Variants in PRRC2A observed in about 807,000 individuals in gnomAD.
The protein encoded by PRRC2A is proline rich coiled-coil 2A.
Under a neutral mutation model 224.6 loss-of-function variants are expected in PRRC2A, and 59 were observed. The ratio of observed to expected loss-of-function variants is 0.26; its 90% CI spans 0.21 to 0.33. PRRC2A has a LOEUF of 0.33. Ranked by LOEUF, PRRC2A falls within the 10% of genes least tolerant of loss-of-function variation. The pLI, the probability that PRRC2A is intolerant of heterozygous loss-of-function variation, is 1.00. For synonymous variants in PRRC2A, 1,194 were observed against 1,109.5 expected, an observed-to-expected ratio of 1.08 and a Z score of -1.51; for missense variants, 3,095 against 2,880.7, an observed-to-expected ratio of 1.07 and a Z score of -1.70.
chr6:31,624,114 A>G, intron 3 of PRRC2A, 147 bp from the exon 4 acceptor site: 1 of 1,065,836 alleles, frequency 9.4e-7, no homozygotes. Context: ...AAAAATAGAC[A>G]ACAGCCTACA....
Position 31,627,966 on chromosome 6 carries a change from G to A in PRRC2A, c.1492G>A (p.Gly498Arg), listed in dbSNP as rs539163086. 3 of 1,612,966 alleles carry A rather than the reference G, an allele frequency of 1.9e-6. No homozygotes were observed. The highest frequency in any genetic ancestry group is 1.3e-5 in the African/African-American group (1 of 75,050). Residue 498 changes from glycine (G) to arginine (R), a missense_variant, in exon 12 of 31, where the codon GGG becomes AGG. Transcript: ENST00000376033. The surrounding 1 kb of genome is among the most constrained non-coding windows in gnomAD (Gnocchi z 5.6). ...EKLKRLDEKFGAPDKRLKAEP... is the reference protein window; with the variant it reads ...EKLKRLDEKFRAPDKRLKAEP... ...GCTCAAGCGACTCGATGAAAAGTTTGGGGCACCTGACAAGCGGCTCAAAGC... is the reference window on the plus strand; with the variant it reads ...GCTCAAGCGACTCGATGAAAAGTTTAGGGCACCTGACAAGCGGCTCAAAGC...
rs528194043 is a variant in PRRC2A, at chr6:31,637,492, G to C, written c.6380G>C (p.Arg2127Pro). 3.2e-6 allele frequency: 5 copies of C among 1,573,614 alleles called. No homozygotes were observed. The Admixed American group carries it at 7.4e-5, about 23-fold the overall frequency. ...CGCTGGATACCTAAGCCTTGGGAGCGGACAGGGCCGCCACCTCGAGAAGGG... is the reference window on the plus strand; with the variant it reads ...CGCTGGATACCTAAGCCTTGGGAGCCGACAGGGCCGCCACCTCGAGAAGGG... ...ALRWIPKPWERTGPPPREGPS... is the reference protein window; with the variant it reads ...ALRWIPKPWEPTGPPPREGPS... Residue 2127 changes from arginine to proline, a missense_variant, in exon 31 of 31, where the codon CGG (arginine) becomes CCG (proline). By Grantham distance (103) the Arg-to-Pro change is moderately radical. Coordinates refer to ENST00000376033, the MANE Select transcript of PRRC2A (RefSeq NM_004638.4).
chr6:31,627,010 G>C lies in PRRC2A; in HGVS notation c.1102G>C (p.Glu368Gln). ...HRDSQSASGE[E>Q]RPPEADGKKG... The stretch of plus-strand genomic sequence containing the variant: ...GGATTCCCAATCAGCTTCTGGTGAG[G>C]AACGGCCCCCTGAAGCAGATGGCAA... Residue 368 changes from glutamate to glutamine, a missense_variant, in exon 11 of 31, where the codon GAA becomes CAA. This residue lies in a region of PRRC2A where 2,001 missense variants were observed against 1,764.9 expected (regional missense o/e 1.13). Transcript: ENST00000376033. The surrounding 1 kb of genome is among the most constrained non-coding windows in gnomAD (Gnocchi z 5.6). The C allele has an allele frequency of 6.2e-7, 1 of 1,614,148 alleles. No homozygotes were observed. The highest frequency in any genetic ancestry group is 1.1e-5 in the South Asian group (1 of 91,078).
rs760723851 is a variant in PRRC2A at position 31,627,904 on chromosome 6, G to A, written c.1430G>A (p.Arg477His). ...ARRRREEEERRMQEERRAACA... is the reference protein window; with the variant it reads ...ARRRREEEERHMQEERRAACA... ...CGACGGCGAGAAGAAGAGGAGCGGC[G>A]CATGCAAGAAGAGCGCCGGGCAGCC... The change falls in exon 12 of 31, where the codon CGC becomes CAC. Residue 477 changes from arginine to histidine, a missense_variant. By Grantham distance (29) the Arg-to-His change is conservative. Around this residue, in one of 8 missense-constraint regions of PRRC2A, gnomAD observed 2,001 missense variants for 1,764.9 expected, o/e 1.13. Transcript: ENST00000376033. The surrounding 1 kb of genome is among the most constrained non-coding windows in gnomAD (Gnocchi z 5.6). 2 of 1,613,020 alleles carry A rather than the reference G, an allele frequency of 1.2e-6. No individual in the cohort carries two copies. The highest frequency in any genetic ancestry group is 1.7e-6 in the Non-Finnish European group (2 of 1,180,042).
At position 31,628,216 on chromosome 6, in the gene PRRC2A, G is replaced by A; in HGVS notation, c.1742G>A (p.Ser581Asn). ...GGTGGCAGTACCAGTAGCACCAGCA[G>A]TGGCAGCTTCGAAGCCAGCCCAGGT... Reference protein sequence around the residue: ...SGGGSTSSTSSGSFEASPVEP... With the variant: ...SGGGSTSSTSNGSFEASPVEP... Residue 581 changes from serine to asparagine, a missense_variant, in exon 12 of 31, where the codon AGT (serine) becomes AAT (asparagine). Coordinates refer to ENST00000376033, the MANE Select transcript of PRRC2A (RefSeq NM_004638.4). 2 of 1,611,788 alleles carry A rather than the reference G, an allele frequency of 1.2e-6. No homozygotes were observed. Among genetic ancestry groups the A allele is most frequent in the Non-Finnish European group, 1.7e-6 (2 of 1,179,740 alleles).
rs765180862 is a variant in PRRC2A at position 31,626,765 on chromosome 6, C to T, written c.983-7C>T. 3.1e-5 allele frequency: 49 copies of T among 1,568,060 alleles called. No homozygotes were observed. The highest frequency in any genetic ancestry group is 4.2e-5 in the Non-Finnish European group (48 of 1,156,088). On this transcript the variant is annotated splice_region_variant and splice_polypyrimidine_tract_variant and intron_variant, in intron 9 of 30. Coordinates refer to ENST00000376033, the MANE Select transcript of PRRC2A (RefSeq NM_004638.4). Reference sequence around the variant, plus strand: ...CTTGGGTTACTAATACTCATATTTCCCCTCAGGGGCCCATGAAGAGGTTGA... The same window carrying T: ...CTTGGGTTACTAATACTCATATTTCTCCTCAGGGGCCCATGAAGAGGTTGA...
chr6:31,631,885 G>C lies in PRRC2A; in HGVS notation c.3212G>C (p.Gly1071Ala), dbSNP rs1469352978. The stretch of plus-strand genomic sequence containing the variant: ...GATGATGGGCGTGGAGGTGGGACAG[G>C]GGGACCAAACCACCCTCCTGCTCCC... ...RGDDGRGGGT[G>A]GPNHPPAPRG... The change falls in exon 16 of 31, where the codon GGG (glycine) becomes GCG (alanine). Residue 1071 changes from glycine (G) to alanine (A), a missense_variant. Gly to Ala is a moderately conservative substitution (Grantham distance 60). Coordinates refer to ENST00000376033, the MANE Select transcript of PRRC2A (RefSeq NM_004638.4). This position sits in a 1 kb window ranked among gnomAD's most constrained non-coding sequence, Gnocchi z 4.5. 3 of 1,611,106 alleles carry C rather than the reference G, an allele frequency of 1.9e-6. No individual in the cohort carries two copies. In the African/African-American group the frequency reaches 4.0e-5, roughly 21 times the overall value.
Position 31,627,925 on chromosome 6 carries a change from C to T in PRRC2A, c.1451C>T (p.Ala484Val), listed in dbSNP as rs1490876396. 6.2e-7 allele frequency: 1 copy of T among 1,612,968 alleles called. No homozygotes were observed. The highest frequency in any genetic ancestry group is 1.1e-5 in the South Asian group (1 of 91,080). ...EERRMQEERRAACAEKLKRLD... is the reference protein window; with the variant it reads ...EERRMQEERRVACAEKLKRLD... ...CGGCGCATGCAAGAAGAGCGCCGGG[C>T]AGCCTGTGCTGAGAAGCTCAAGCGA... Residue 484 changes from alanine (A) to valine (V), a missense_variant, in exon 12 of 31, where the codon GCA becomes GTA. This residue lies in a region of PRRC2A where 2,001 missense variants were observed against 1,764.9 expected (regional missense o/e 1.13). Transcript: ENST00000376033. The surrounding 1 kb of genome is among the most constrained non-coding windows in gnomAD (Gnocchi z 5.6).
Position 31,627,753 on chromosome 6 carries a change from G to A in PRRC2A, c.1291-12G>A. The A allele has an allele frequency of 6.2e-7, 1 of 1,609,992 alleles. No individual in the cohort carries two copies. The highest frequency in any genetic ancestry group is 8.5e-7 in the Non-Finnish European group (1 of 1,177,884). On this transcript the variant is annotated splice_polypyrimidine_tract_variant and intron_variant, in intron 11 of 30. Transcript: ENST00000376033. The surrounding 1 kb of genome is among the most constrained non-coding windows in gnomAD (Gnocchi z 5.6). ...GATTCCCCTGGCCCTGCTGGGTCTT[G>A]CCAATTGACAGGATCGTGGGGGTCC...
chr6:31,631,840 G>A lies in PRRC2A; in HGVS notation c.3167G>A (p.Ser1056Asn). Reference protein sequence around the residue: ...GRGARSREFRSYREFRGDDGR... With the variant: ...GRGARSREFRNYREFRGDDGR... ...GGAGCCCGAAGCCGGGAATTCCGCA[G>A]TTACCGAGAGTTTCGAGGAGATGAT... Residue 1056 changes from serine to asparagine, a missense_variant, in exon 16 of 31, where the codon AGT becomes AAT. Ser to Asn is a conservative substitution (Grantham distance 46). Transcript: ENST00000376033. The surrounding 1 kb of genome is among the most constrained non-coding windows in gnomAD (Gnocchi z 4.5). 6.2e-7 allele frequency: 1 copy of A among 1,603,796 alleles called. No individual in the cohort carries two copies. The highest frequency in any genetic ancestry group is 8.5e-7 in the Non-Finnish European group (1 of 1,174,584).
Position 31,630,782 on chromosome 6 carries a change from G to A in PRRC2A, c.2446G>A (p.Glu816Lys), listed in dbSNP as rs374716968. Residue 816 changes from glutamate (E) to lysine (K), a missense_variant, in exon 15 of 31, where the codon GAG (glutamate) becomes AAG (lysine). Around this residue, in one of 8 missense-constraint regions of PRRC2A, gnomAD observed 2,001 missense variants for 1,764.9 expected, o/e 1.13. Coordinates refer to ENST00000376033, the MANE Select transcript of PRRC2A (RefSeq NM_004638.4). The stretch of plus-strand genomic sequence containing the variant: ...CTCACCTCTGCGCCAGGCTGCGGAT[G>A]AGGATGACAAGGGGATGAGGTGAGT... ...LTSPLRQAAD[E>K]DDKGMRSETP... 40 of 1,614,062 alleles carry A rather than the reference G, an allele frequency of 2.5e-5. No homozygotes were observed. In the African/African-American group the frequency reaches 3.3e-4, roughly 13 times the overall value.
rs1467755480 is a variant in PRRC2A, at chr6:31,637,513, A to C, written c.6401A>C (p.Glu2134Ala). The part of the protein sequence containing the change: ...PWERTGPPPR[E>A]GPSRRAEEPG... ...GAGCGGACAGGGCCGCCACCTCGAG[A>C]AGGGCCCTCCCGACGGGCAGAGGAG... is the stretch of plus-strand genomic sequence containing the variant. Residue 2134 changes from glutamate (E) to alanine (A), a missense_variant, in exon 31 of 31, where the codon GAA (glutamate) becomes GCA (alanine). Physicochemically the swap from Glu to Ala is moderately radical, Grantham distance 107. Around this residue, in one of 8 missense-constraint regions of PRRC2A, gnomAD observed 662 missense variants for 609.5 expected, o/e 1.09. Transcript: ENST00000376033. 1 of 1,580,514 alleles carries C rather than the reference A, an allele frequency of 6.3e-7. No individual in the cohort carries two copies. The highest frequency in any genetic ancestry group is 1.8e-5 in the Admixed American group (1 of 54,456).
chr6:31,629,811 T>C lies in PRRC2A; in HGVS notation c.2220T>C (p.Pro740=). 1.2e-6 allele frequency: 2 copies of C among 1,613,768 alleles called. No individual in the cohort carries two copies. Among genetic ancestry groups the C allele is most frequent in the Non-Finnish European group, 1.7e-6 (2 of 1,179,786 alleles). ...CCCGGCTCCTCCAGGGTCGTCCCCC[T>C]CTAGACTTCTACCCTCCTGGTGTGC... ...VDPRLLQGRP[P]LDFYPPGVHP... The change falls in exon 14 of 31, where the codon CCT becomes CCC. Residue 740 remains proline, a synonymous_variant. Coordinates refer to ENST00000376033, the MANE Select transcript of PRRC2A (RefSeq NM_004638.4).
chr6:31,631,928 C>G lies in PRRC2A; in HGVS notation c.3255C>G (p.Ser1085Arg), dbSNP rs765920770. The G allele has an allele frequency of 6.2e-7, 1 of 1,612,826 alleles. No individual in the cohort carries two copies. The highest frequency in any genetic ancestry group is 1.7e-5 in the Admixed American group (1 of 60,006). ...CTGCTCCCCGAGGCCGCACTGCCAG[C>G]GAGACACGGAGCGAGGGTTCAGAGT... Reference protein sequence around the residue: ...HPPAPRGRTASETRSEGSEYE... With the variant: ...HPPAPRGRTARETRSEGSEYE... Residue 1085 changes from serine (S) to arginine (R), a missense_variant, in exon 16 of 31, where the codon AGC becomes AGG. By Grantham distance (110) the Ser-to-Arg change is moderately radical. This residue lies in a region of PRRC2A where 2,001 missense variants were observed against 1,764.9 expected (regional missense o/e 1.13). Transcript: ENST00000376033. The surrounding 1 kb of genome is among the most constrained non-coding windows in gnomAD (Gnocchi z 4.5).
At chr6:31,628,824 G>C in intron 12 of PRRC2A, 1 of 337,860 alleles carries the variant, frequency 3.0e-6, no homozygotes, top group Non-Finnish European at 5.4e-6. Context: ...CTGGGTGACA[G>C]AGCAAGACTC....
intron 16 of PRRC2A, 50 bp from the exon 17 acceptor site, chr6:31,633,329 A>G (rs909338346): frequency 6.4e-7 from 1 of 1,571,868 alleles, no homozygotes; most frequent in African/African-American, 1.4e-5. Flanking sequence ...AACTTGTGGG[A>G]AAAAGTAACG....
rs890614023 is a variant in PRRC2A at position 31,625,689 on chromosome 6, A to G, written c.759+78A>G. 1.2e-5 allele frequency: 19 copies of G among 1,590,812 alleles called. No homozygotes were observed. Among genetic ancestry groups the G allele is most frequent in the Non-Finnish European group, 1.6e-5 (18 of 1,159,202 alleles). On this transcript the variant is annotated intron_variant, in intron 7 of 30. Coordinates refer to ENST00000376033, the MANE Select transcript of PRRC2A (RefSeq NM_004638.4). The surrounding 1 kb of genome is among the most constrained non-coding windows in gnomAD (Gnocchi z 4.1). The stretch of plus-strand genomic sequence containing the variant: ...GGAATCAGGACTTAGTCTTTGACCT[A>G]TGAGATAGAAGGGAGGGTGGGAGGA...
Position 31,634,893 on chromosome 6 carries a change from C to G in PRRC2A, c.5076C>G (p.Pro1692=). The change falls in exon 21 of 31, where the codon CCC becomes CCG. Residue 1692 remains proline (P), a synonymous_variant. Coordinates refer to ENST00000376033, the MANE Select transcript of PRRC2A (RefSeq NM_004638.4). The part of the protein sequence containing the change: ...GPPKRPGGSS[P]LNAVPCEGPP... ...CCAAGAGGCCTGGAGGCTCCTCACC[C>G]CTGAATGCTGTTCCTTGTGAGGGTC... is the stretch of plus-strand genomic sequence containing the variant. 1 of 1,612,986 alleles carries G rather than the reference C, an allele frequency of 6.2e-7. No individual in the cohort carries two copies. The highest frequency in any genetic ancestry group is 8.5e-7 in the Non-Finnish European group (1 of 1,180,010).
In PRRC2A at chr6:31,633,633, G is replaced by A; in HGVS notation, c.4574G>A (p.Ser1525Asn). Residue 1525 changes from serine (S) to asparagine (N), a missense_variant, in exon 17 of 31, where the codon AGC (serine) becomes AAC (asparagine). Ser to Asn is a conservative substitution (Grantham distance 46). This residue lies in a region of PRRC2A where 2,001 missense variants were observed against 1,764.9 expected (regional missense o/e 1.13). Transcript: ENST00000376033. ...CGATACGAGCCCCAGAGGGTCAACA[G>A]CGGCCTCAGTTCTGGTAAGCTGGAG... is the stretch of plus-strand genomic sequence containing the variant. ...PTRYEPQRVNSGLSSDPHFEE... is the reference protein window; with the variant it reads ...PTRYEPQRVNNGLSSDPHFEE... 3 of 1,611,132 alleles carry A rather than the reference G, an allele frequency of 1.9e-6. No homozygotes were observed. Among genetic ancestry groups the A allele is most frequent in the Non-Finnish European group, 1.7e-6 (2 of 1,178,824 alleles).
Sources: gnomAD v4.1 joint callset for allele counts on GRCh38, gnomAD v4.1.1 for gene constraint, gnomAD v4.1.1 regional missense constraint, Gnocchi (gnomAD v3.1) non-coding constraint, MANE v1.5 for transcripts, NCBI Gene and HGNC (gene_info 2026-07-23, HGNC 2026-07-21) for gene names.